THSD4: variants seen among roughly 807,000 people sequenced by gnomAD.
The protein encoded by THSD4 is thrombospondin type-1 domain-containing protein 4.
A neutral mutation model predicts 119.0 loss-of-function variants in THSD4; 69 were observed. The observed-to-expected ratio is 0.58, with a 90% CI of 0.48 to 0.71. The LOEUF (loss-of-function observed/expected upper bound fraction) is 0.71. THSD4 is among the 30% of genes least tolerant of loss of function. The pLI, the probability that THSD4 is intolerant of heterozygous loss-of-function variation, is 0.00. For synonymous variants in THSD4, 524 were observed against 540.4 expected (o/e 0.97, Z 0.42); for missense variants, 1,393 against 1,391.1 (o/e 1.00, Z -0.02).
At chr15:71,345,756 T>C (rs2045648890) in intron 6 of THSD4, among the ~76,000 whole-genome samples, 1 of 151,622 alleles carries the variant, frequency 6.6e-6, no homozygotes, top group African/African-American at 2.4e-5. Context: ...TCCGTTAGAG[T>C]GCCTTCGCCA....
At chr15:71,378,930 C>T (rs1168248505) in intron 6 of THSD4, among the ~76,000 whole-genome samples, 3 of 152,210 alleles carry the variant, frequency 2.0e-5, no homozygotes, top group Middle Eastern at 3.4e-3. Context: ...ACTACAGTTG[C>T]ATGCCACAAT....
chr15:71,101,227 T>C (rs1335367831), intron 1 of THSD4, among the ~76,000 whole-genome samples: 1 of 152,088 alleles, frequency 6.6e-6, no homozygotes, highest in Non-Finnish European at 1.5e-5. Flanking sequence ...GAGATTACAG[T>C]ATATGGTCTG....
intron 6 of THSD4, among the ~76,000 whole-genome samples, chr15:71,409,886 G>GTTTTTTT: frequency 6.7e-6 from 1 of 148,876 alleles, no homozygotes; most frequent in Non-Finnish European, 1.5e-5. Flanking sequence ...CTCCAAAACA[G>GTTTTTTT]TTTTTTTTTT....
At chr15:71,381,755 G>A (rs2046231996) in intron 6 of THSD4, among the ~76,000 whole-genome samples, 1 of 152,118 alleles carries the variant, frequency 6.6e-6, no homozygotes, top group South Asian at 2.1e-4. Flanking sequence ...TATGACTGCT[G>A]CCGTATTAGA....
chr15:71,246,886 C>CTT lies in THSD4; in HGVS notation c.912+3810_912+3811dup, dbSNP rs67700872. Among the ~76,000 whole-genome samples, 210 of 114,436 alleles carry CTT rather than the reference C, an allele frequency of 1.8e-3. 4 individuals are homozygous for CTT. The highest frequency in any genetic ancestry group is 3.4e-3 in the African/African-American group (99 of 29,288). The allele number at this position is 114,436 out of a possible 152,430, so 75.1% of individuals were successfully genotyped here. A position where few individuals can be genotyped will look rare whatever the true frequency, so the allele number is the denominator to read the frequency against. Reference sequence around the variant, plus strand: ...CGCAAGACTCAATCTGGTCCAAAGTCTTTTTTTTTTTTTTTTTTTTTGAGA... The same window carrying CTT: ...CGCAAGACTCAATCTGGTCCAAAGTCTTTTTTTTTTTTTTTTTTTTTTTGAGA... On this transcript the variant is annotated intron_variant, in intron 5 of 17. Coordinates refer to ENST00000261862, the MANE Select transcript of THSD4 (RefSeq NM_024817.3).
chr15:71,320,137 G>A (rs768671744), intron 6 of THSD4, among the ~76,000 whole-genome samples: 3 of 152,150 alleles, frequency 2.0e-5, no homozygotes, highest in Non-Finnish European at 2.9e-5. Context: ...TCTAGTTCCC[G>A]AAGTTGGCCT....
intron 4 of THSD4, 75 bp downstream of exon 4, chr15:71,215,474 C>T: frequency 2.2e-6 from 3 of 1,384,546 alleles, no homozygotes; most frequent in Non-Finnish European, 2.9e-6. Flanking sequence ...CCCTGCCTCG[C>T]ACGCTGCTCT....
In THSD4 at chr15:71,757,933, C is replaced by T; in HGVS notation, c.2447C>T (p.Thr816Ile). 6.2e-7 allele frequency: 1 copy of T among 1,613,894 alleles called. No individual in the cohort carries two copies. The highest frequency in any genetic ancestry group is 8.5e-7 in the Non-Finnish European group (1 of 1,180,032). The change falls in exon 15 of 18, where the codon ACA (threonine) becomes ATA (isoleucine). Residue 816 changes from threonine to isoleucine, a missense_variant. Transcript: ENST00000261862. ...GCGGAGTGTGGGGCCGGAGTGCGGA[C>T]ACGCTCGGTGGTGTGCATGACCAAC... ...CSAECGAGVRTRSVVCMTNHV... is the reference protein window; with the variant it reads ...CSAECGAGVRIRSVVCMTNHV...
At position 71,731,175 on chromosome 15, in the gene THSD4, A is replaced by T. The variant is rs778501854; in HGVS notation, c.1588A>T (p.Thr530Ser). The T allele has an allele frequency of 6.2e-7, 1 of 1,614,170 alleles. No individual in the cohort carries two copies. The highest frequency in any genetic ancestry group is 8.5e-7 in the Non-Finnish European group (1 of 1,180,022). Residue 530 changes from threonine to serine, a missense_variant, in exon 10 of 18, where the codon ACC becomes TCC. Coordinates refer to ENST00000261862, the MANE Select transcript of THSD4 (RefSeq NM_024817.3). ...GCACTACGAGTACGTGATCATGGGG[A>T]CCAACGCCATCAGCCCCCAGGTGCC... ...GVHYEYVIMG[T>S]NAISPQVPPH... is the part of the protein sequence containing the mutation.
intron 3 of THSD4, among the ~76,000 whole-genome samples, chr15:71,167,500 A>C (rs2043304843): frequency 6.6e-6 from 1 of 152,236 alleles, no homozygotes. Context: ...TGGAATTTGA[A>C]GTGGGAAATT....
chr15:71,632,318 T>C (rs981373414), intron 7 of THSD4, among the ~76,000 whole-genome samples: 1 of 152,202 alleles, frequency 6.6e-6, no homozygotes, highest in Non-Finnish European at 1.5e-5. Flanking sequence ...AAAGGAGGGA[T>C]GATTCCGTGT....
At chr15:71,185,206 A>G (rs1196768414) in intron 3 of THSD4, among the ~76,000 whole-genome samples, 2 of 151,850 alleles carry the variant, frequency 1.3e-5, no homozygotes, top group Non-Finnish European at 2.9e-5. Flanking sequence ...CAGATACAGG[A>G]TTCCTTATAA....
chr15:71,682,999 C>A (rs1391153749), intron 8 of THSD4, among the ~76,000 whole-genome samples: 1 of 146,476 alleles, frequency 6.8e-6, no homozygotes, highest in Non-Finnish European at 1.5e-5. Context: ...TGGCTCACTG[C>A]AGCCTCAACC....
At chr15:71,577,427 T>C (rs2049470836) in intron 7 of THSD4, among the ~76,000 whole-genome samples, 1 of 152,202 alleles carries the variant, frequency 6.6e-6, no homozygotes, top group South Asian at 2.1e-4. Context: ...TCTCTAACTT[T>C]CTGGGGCTTG....
At chr15:71,187,446 G>A (rs1379128107) in intron 3 of THSD4, 3 of 152,632 alleles carry the variant, frequency 2.0e-5, no homozygotes, top group Non-Finnish European at 4.4e-5. Context: ...CCTAAGGTTG[G>A]AGCTAAAAAC....
rs2043919328 is a variant in THSD4 at position 71,215,048 on chromosome 15, TGGCGGCGGAG to T, written c.118_127del (p.Ala40ProfsTer31). The T allele has an allele frequency of 7.8e-7, 1 of 1,289,540 alleles. No homozygotes were observed. The highest frequency in any genetic ancestry group is 9.9e-7 in the Non-Finnish European group (1 of 1,014,086). The allele number at this position is 1,289,540 out of a possible 1,614,324, so 79.9% of individuals were successfully genotyped here. A position where few individuals can be genotyped will look rare whatever the true frequency, so the allele number is the denominator to read the frequency against. On this transcript the variant is annotated frameshift_variant, in exon 4 of 18. Coordinates refer to ENST00000261862, the MANE Select transcript of THSD4 (RefSeq NM_024817.3). LOFTEE classifies it high-confidence loss of function. Reference sequence around the variant, plus strand: ...CTGTCTCCGCAGGTCCCGCAGCGGATGGCGGCGGAGGGCGCCCCCGAGGACGACGGCGGCG... The same window carrying T: ...CTGTCTCCGCAGGTCCCGCAGCGGATGGCGCCCCCGAGGACGACGGCGGCG...
intron 10 of THSD4, chr15:71,732,989 A>T (rs2053012178): frequency 6.6e-6 from 1 of 152,256 alleles, no homozygotes; most frequent in East Asian, 1.9e-4. Flanking sequence ...CAAACTCAGC[A>T]CAACAGAGAA....
At chr15:71,240,041 T>A (rs191257859) in intron 4 of THSD4, among the ~76,000 whole-genome samples, 1 of 152,356 alleles carries the variant, frequency 6.6e-6, no homozygotes, top group Non-Finnish European at 1.5e-5. Context: ...ACCTTTCCAA[T>A]GCTGTTGCTC....
chr15:71,409,895 T>TTG (rs1555410976), intron 6 of THSD4, among the ~76,000 whole-genome samples: 4 of 152,018 alleles, frequency 2.6e-5, no homozygotes, highest in East Asian at 3.8e-4. Context: ...AGTTTTTTTT[T>TTG]TTTTGTTTTT....
Sources: allele counts gnomAD v4.1 joint callset (sites outside exome capture counted in the v4.1 genomes callset), GRCh38; gene constraint gnomAD v4.1.1; transcripts MANE v1.5; gene names NCBI Gene and HGNC (gene_info 2026-07-23, HGNC 2026-07-21).